The following TTPA variants were observed in gnomAD, a reference collection of about 807,000 sequenced individuals.
The protein encoded by TTPA is alpha-tocopherol transfer protein.
In TTPA, 23 loss-of-function variants were observed where a neutral mutation model predicts 25.9. The observed-to-expected ratio is 0.89, with a 90% CI of 0.64 to 1.26. TTPA has a LOEUF of 1.26. TTPA is among the 50% of genes most tolerant of loss of function. TTPA has a pLI of 0.00. For missense variants in TTPA, 337 were observed against 353.1 expected (o/e 0.95, Z 0.37); for synonymous variants, 148 against 137.3 (o/e 1.08, Z -0.54).
At chr8:63,082,628 C>A (rs1407761266) in intron 1 of TTPA, among the ~76,000 whole-genome samples, 4 of 152,116 alleles carry the variant, frequency 2.6e-5, no homozygotes, top group African/African-American at 9.7e-5. Context: ...CAACAAAAGC[C>A]AAAACTGAGA....
At position 63,066,018 on chromosome 8, in the gene TTPA, C is replaced by T. The variant is rs918456240; in HGVS notation, c.438G>A (p.Glu146=). ...SLITSELIVQ[E]VETQRNGIKA... ...TGATTCCATTCCGCTGAGTTTCTACCTCCTGTACAATAAGCTCGGATGTGA... is the reference window on the plus strand; with the variant it reads ...TGATTCCATTCCGCTGAGTTTCTACTTCCTGTACAATAAGCTCGGATGTGA... Residue 146 remains glutamate, a synonymous_variant, in exon 3 of 5, where the codon GAG becomes GAA. Coordinates refer to ENST00000260116, the MANE Select transcript of TTPA (RefSeq NM_000370.3). 5.6e-6 allele frequency: 9 copies of T among 1,613,938 alleles called. No homozygotes were observed. Among genetic ancestry groups the T allele is most frequent in the Middle Eastern group, 1.6e-4 (1 of 6,082 alleles).
At chr8:63,085,511 T>C (rs1051515862) in intron 1 of TTPA, among the ~76,000 whole-genome samples, 10 of 152,284 alleles carry the variant, frequency 6.6e-5, no homozygotes, top group African/African-American at 2.4e-4. Context: ...CCCCCAAACT[T>C]TGTAGGTTCA....
At chr8:63,083,889 T>C (rs1805703506) in intron 1 of TTPA, among the ~76,000 whole-genome samples, 1 of 150,990 alleles carries the variant, frequency 6.6e-6, no homozygotes, top group African/African-American at 2.4e-5. Context: ...TTCTTTTTTT[T>C]CTTTTTTTTT....
At chr8:63,059,094 G>A (rs1805254292), downstream of TTPA, among the ~76,000 whole-genome samples, 1 of 138,144 alleles carries the variant, frequency 7.2e-6, no homozygotes. Context: ...TGCAGTGGCG[G>A]GATCTCGGCT....
At chr8:63,076,022 G>T (rs944015591) in intron 1 of TTPA, among the ~76,000 whole-genome samples, 1 of 152,180 alleles carries the variant, frequency 6.6e-6, no homozygotes, top group African/African-American at 2.4e-5. Context: ...TGTTTTATAT[G>T]TTTGTTGTTT....
intron 1 of TTPA, among the ~76,000 whole-genome samples, chr8:63,085,311 A>G (rs1805731376): frequency 6.6e-6 from 1 of 152,138 alleles, no homozygotes; most frequent in African/African-American, 2.4e-5. Flanking sequence ...TACTGTCTTG[A>G]CACTTAAGTG....
intron 2 of TTPA, among the ~76,000 whole-genome samples, chr8:63,070,081 C>T (rs1304702719): frequency 6.6e-6 from 1 of 152,144 alleles, no homozygotes; most frequent in African/African-American, 2.4e-5. Context: ...AATGCAGTTA[C>T]AGCTACATAG....
chr8:63,072,813 T>C, intron 2 of TTPA, 122 bp downstream of exon 2: 2 of 1,140,168 alleles, frequency 1.8e-6, no homozygotes, highest in East Asian at 2.4e-5. Context: ...TAAAGATGAA[T>C]GCATTGAAGC....
chr8:63,079,207 G>A (rs1053417621), intron 1 of TTPA, among the ~76,000 whole-genome samples: 3 of 152,054 alleles, frequency 2.0e-5, no homozygotes, highest in South Asian at 2.1e-4. Flanking sequence ...AGGAACAACT[G>A]GTACCAGCCA....
intron 1 of TTPA, among the ~76,000 whole-genome samples, chr8:63,080,479 T>A (rs1292951174): frequency 6.6e-6 from 1 of 152,078 alleles, no homozygotes; most frequent in African/African-American, 2.4e-5. Flanking sequence ...CCCAGCACTT[T>A]GGGAGGCCAA....
intron 1 of TTPA, among the ~76,000 whole-genome samples, chr8:63,081,923 C>A (rs1335359956): frequency 6.6e-6 from 1 of 152,110 alleles, no homozygotes; most frequent in Admixed American, 6.6e-5. Flanking sequence ...ACCTAGGAAT[C>A]CAACTTACAA....
chr8:63,079,698 T>C (rs1327492777), intron 1 of TTPA, among the ~76,000 whole-genome samples: 1 of 152,156 alleles, frequency 6.6e-6, no homozygotes, highest in Non-Finnish European at 1.5e-5. Flanking sequence ...CAAAGAGACT[T>C]AGACTCCCAC....
downstream of TTPA, among the ~76,000 whole-genome samples, chr8:63,059,020 G>GTTTTTTT (rs35335226): frequency 7.4e-4 from 50 of 67,188 alleles, 3 homozygotes; most frequent in African/African-American, 2.3e-3. Flanking sequence ...GCAGGGTCCA[G>GTTTTTTT]TTTTTTTTTT....
intron 1 of TTPA, among the ~76,000 whole-genome samples, chr8:63,074,363 C>G (rs573761644): frequency 7.9e-5 from 12 of 152,200 alleles, no homozygotes; most frequent in Non-Finnish European, 1.8e-4. Context: ...CCCCCTCACC[C>G]CCATCTCTGA....
downstream of TTPA, among the ~76,000 whole-genome samples, chr8:63,058,869 A>C (rs1805245365): frequency 6.6e-6 from 1 of 152,154 alleles, no homozygotes; most frequent in East Asian, 1.9e-4. Flanking sequence ...TAGAAACAAA[A>C]GTTGGGTAAG....
chr8:63,059,721 TA>T lies in TTPA; in HGVS notation c.*1530del, dbSNP rs1214696731. On this transcript the variant is annotated 3_prime_UTR_variant, in exon 5 of 5. Transcript: ENST00000260116. ...AAAGCTGAGATGATATCTTTCTTAATAAATGAAATATTATAAACTGCAGTAG... is the reference window on the plus strand; with the variant it reads ...AAAGCTGAGATGATATCTTTCTTAATAATGAAATATTATAAACTGCAGTAG... The T allele has an allele frequency of 6.6e-6, 1 of 152,168 alleles. No individual in the cohort carries two copies. The highest frequency in any genetic ancestry group is 2.4e-5 in the African/African-American group (1 of 41,456). 9.4% of individuals were successfully genotyped at this position (152,168 alleles called of 1,614,324 possible).
chr8:63,068,339 C>T (rs969673208), intron 2 of TTPA, among the ~76,000 whole-genome samples: 1 of 152,110 alleles, frequency 6.6e-6, no homozygotes, highest in Admixed American at 6.5e-5. Context: ...GAGGAGCAGC[C>T]AGTGATGTCA....
chr8:63,076,974 A>C (rs1237853080), intron 1 of TTPA, among the ~76,000 whole-genome samples: 1 of 152,156 alleles, frequency 6.6e-6, no homozygotes, highest in Non-Finnish European at 1.5e-5. Flanking sequence ...AACTAGAAAA[A>C]ATTTTGGACA....
At chr8:63,077,526 G>A (rs570956169) in intron 1 of TTPA, among the ~76,000 whole-genome samples, 7 of 152,344 alleles carry the variant, frequency 4.6e-5, no homozygotes, top group African/African-American at 7.2e-5. Flanking sequence ...ATGGCTTGGC[G>A]GGTCCAACAC....
Sources: allele counts gnomAD v4.1 joint callset (sites outside exome capture counted in the v4.1 genomes callset), GRCh38; gene constraint gnomAD v4.1.1; transcripts MANE v1.5; gene names NCBI Gene and HGNC (gene_info 2026-07-23, HGNC 2026-07-21).